The following PLXDC2 variants were observed in gnomAD, a reference collection of about 807,000 sequenced individuals.
The protein encoded by PLXDC2 is plexin domain containing 2, also known as plexin domain-containing protein 2.
A neutral mutation model predicts 68.9 loss-of-function variants in PLXDC2; 40 were observed. That is an observed-to-expected ratio of 0.58 (90% CI 0.45 to 0.76). PLXDC2 has a LOEUF of 0.76. Ranked by LOEUF, PLXDC2 falls within the 30% of genes least tolerant of loss-of-function variation. The pLI is 0.00. For synonymous variants in PLXDC2, 243 were observed against 234.2 expected (o/e 1.04, Z -0.34); for missense variants, 644 against 661.9 (o/e 0.97, Z 0.30).
intron 1 of PLXDC2, among the ~76,000 whole-genome samples, chr10:19,944,008 T>G (rs1833860380): frequency 6.6e-6 from 1 of 152,236 alleles, no homozygotes; most frequent in Non-Finnish European, 1.5e-5. Flanking sequence ...ACTCGTGGGC[T>G]AATTTTTACT....
At chr10:19,913,002 G>A (rs182183708) in intron 1 of PLXDC2, among the ~76,000 whole-genome samples, 60 of 152,284 alleles carry the variant, frequency 3.9e-4, no homozygotes, top group Non-Finnish European at 3.4e-4. Flanking sequence ...TTTGACTCGA[G>A]AGCATGACTT....
At position 20,068,120 on chromosome 10, in the gene PLXDC2, T is replaced by C. The variant is rs559726065; in HGVS notation, c.472-50T>C. 2.8e-5 allele frequency: 41 copies of C among 1,470,232 alleles called. No homozygotes were observed. In the South Asian group the frequency reaches 4.4e-4, roughly 16 times the overall value. The allele number at this position is 1,470,232 out of a possible 1,614,324, so 91.1% of individuals were successfully genotyped here. ...AAGTGAAAGGCTCTTCATTTCACAT[T>C]GACTATGCTACACATTATTGATTTT... On this transcript the variant is annotated intron_variant, in intron 3 of 13. Coordinates refer to ENST00000377252, the MANE Select transcript of PLXDC2 (RefSeq NM_032812.9).
At chr10:20,253,375 T>TAAG (rs1447419201) in intron 13 of PLXDC2, among the ~76,000 whole-genome samples, 1 of 148,782 alleles carries the variant, frequency 6.7e-6, no homozygotes, top group East Asian at 2.0e-4. Flanking sequence ...AAAATGATAA[T>TAAG]AATAATAATA....
chr10:19,962,388 T>C (rs1338470296), intron 1 of PLXDC2, among the ~76,000 whole-genome samples: 1 of 104,900 alleles, frequency 9.5e-6, no homozygotes, highest in African/African-American at 3.5e-5. Flanking sequence ...TCTTTACTTT[T>C]TTTTTTTTTT....
rs754188191 is a variant in PLXDC2, at chr10:20,177,352, G to T, written c.1004G>T (p.Gly335Val). Residue 335 changes from glycine to valine, a missense_variant, in exon 9 of 14, where the codon GGC (glycine) becomes GTC (valine). Physicochemically the swap from Gly to Val is moderately radical, Grantham distance 109. Transcript: ENST00000377252. ...GCATGCCTCCAGTTTAACAGATGTG[G>T]CCCCTGTGTATCTTCTCAGATTGGC... The part of the protein sequence containing the change: ...LPTCLQFNRC[G>V]PCVSSQIGFN... 1 of 1,605,840 alleles carries T rather than the reference G, an allele frequency of 6.2e-7. No homozygotes were observed. The highest frequency in any genetic ancestry group is 8.5e-7 in the Non-Finnish European group (1 of 1,173,062).
chr10:20,230,497 C>T (rs1835346376), intron 12 of PLXDC2, among the ~76,000 whole-genome samples: 1 of 151,448 alleles, frequency 6.6e-6, no homozygotes. Flanking sequence ...TGGTGAAACC[C>T]CATCTCTACT....
chr10:20,065,293 A>C (rs756442073), intron 3 of PLXDC2, among the ~76,000 whole-genome samples: 2 of 152,190 alleles, frequency 1.3e-5, no homozygotes, highest in Non-Finnish European at 2.9e-5. Flanking sequence ...GTATGAGGGC[A>C]AAAGTTGTCA....
chr10:19,846,128 C>T (rs960552098), intron 1 of PLXDC2, among the ~76,000 whole-genome samples: 2 of 152,168 alleles, frequency 1.3e-5, no homozygotes, highest in Admixed American at 1.3e-4. Context: ...TCCAACCTTT[C>T]ACTTCTTCCT....
chr10:20,228,871 A>AC (rs1163794522), intron 12 of PLXDC2, among the ~76,000 whole-genome samples: 1 of 152,208 alleles, frequency 6.6e-6, no homozygotes, highest in African/African-American at 2.4e-5. Context: ...AGTTAAAAAA[A>AC]ACACACACAG....
intron 9 of PLXDC2, among the ~76,000 whole-genome samples, chr10:20,193,509 A>T (rs1834796064): frequency 6.6e-6 from 1 of 152,026 alleles, no homozygotes; most frequent in African/African-American, 2.4e-5. Flanking sequence ...AATAATGGAG[A>T]TGATTTTGAA....
chr10:19,934,988 G>C (rs1035571221), intron 1 of PLXDC2, among the ~76,000 whole-genome samples: 1 of 152,210 alleles, frequency 6.6e-6, no homozygotes, highest in African/African-American at 2.4e-5. Flanking sequence ...TGCCGGCCTT[G>C]ATAATGCCCC....
intron 1 of PLXDC2, among the ~76,000 whole-genome samples, chr10:19,835,575 G>A (rs1262409478): frequency 1.3e-5 from 2 of 152,180 alleles, no homozygotes; most frequent in Admixed American, 6.5e-5. Context: ...GGTGTATCTG[G>A]TGGTGATGGG....
At chr10:20,165,676 A>G (rs973856316) in intron 7 of PLXDC2, among the ~76,000 whole-genome samples, 4 of 152,226 alleles carry the variant, frequency 2.6e-5, no homozygotes, top group African/African-American at 9.7e-5. Flanking sequence ...ATTTAGGTAA[A>G]TAAAAATCCG....
intron 7 of PLXDC2, among the ~76,000 whole-genome samples, chr10:20,170,002 C>T (rs994533894): frequency 6.6e-6 from 1 of 152,126 alleles, no homozygotes; most frequent in East Asian, 1.9e-4. Flanking sequence ...TTACAATGCA[C>T]CTTTGCTTGG....
At chr10:20,044,212 T>TCTTTCTTTCTTTCTTTCTTTC (rs1455637579) in intron 2 of PLXDC2, among the ~76,000 whole-genome samples, 5 of 4,434 alleles carry the variant, frequency 1.1e-3, no homozygotes, top group African/African-American at 6.1e-3. Flanking sequence ...TCTCTCTCTG[T>TCTTTCTTTCTTTCTTTCTTTC]CTTTCTTTCT....
intron 2 of PLXDC2, among the ~76,000 whole-genome samples, chr10:20,007,664 A>T (rs1434233277): frequency 2.6e-5 from 4 of 152,236 alleles, no homozygotes; most frequent in Non-Finnish European, 5.9e-5. Flanking sequence ...CAAGCTTACA[A>T]ATCACCTGGG....
At chr10:20,077,325 T>A (rs1216312256) in intron 4 of PLXDC2, among the ~76,000 whole-genome samples, 1 of 151,516 alleles carries the variant, frequency 6.6e-6, no homozygotes, top group South Asian at 2.2e-4. Context: ...ACTACCTTTA[T>A]TTTCAAGATA....
chr10:20,050,011 T>C (rs1835864421), intron 3 of PLXDC2, among the ~76,000 whole-genome samples: 1 of 151,818 alleles, frequency 6.6e-6, no homozygotes, highest in East Asian at 1.9e-4. Flanking sequence ...ACAAAAACAG[T>C]CACACAGACC....
chr10:19,919,053 G>A (rs1215655865), intron 1 of PLXDC2, among the ~76,000 whole-genome samples: 1 of 152,188 alleles, frequency 6.6e-6, no homozygotes, highest in African/African-American at 2.4e-5. Context: ...TGTTGATTAT[G>A]TAAACTTGGA....
Sources: gnomAD v4.1 joint callset for allele counts (sites outside exome capture counted in the v4.1 genomes callset) on GRCh38, gnomAD v4.1.1 for gene constraint, MANE v1.5 for transcripts, NCBI Gene and HGNC (gene_info 2026-07-23, HGNC 2026-07-21) for gene names.